PCDH11X: variants seen among roughly 807,000 people sequenced by gnomAD.
PCDH11X encodes protocadherin 11 X-linked.
Under a neutral mutation model 53.3 loss-of-function variants are expected in PCDH11X, and 18 were observed. The observed-to-expected ratio is 0.34, with a 90% CI of 0.23 to 0.50. The LOEUF is 0.50. Among genes scored for constraint, PCDH11X ranks in the 20% least tolerant of loss-of-function variants. The pLI is 0.98. For missense variants in PCDH11X, 570 were observed against 1,032.4 expected (o/e 0.55, Z 6.14); for synonymous variants, 279 against 393.3 (o/e 0.71, Z 3.44).
intron 7 of PCDH11X, among the ~76,000 whole-genome samples, chrX:92,224,085 G>A (rs1482944230): frequency 8.9e-6 from 1 of 111,900 alleles, no homozygotes; most frequent in Admixed American, 9.5e-5. Flanking sequence ...GATACAAGGA[G>A]TAAGAACTGT....
At chrX:92,505,530 G>T (rs1276859564) in intron 10 of PCDH11X, among the ~76,000 whole-genome samples, 1 of 109,177 alleles carries the variant, frequency 9.2e-6, no homozygotes, top group Non-Finnish European at 1.9e-5. Flanking sequence ...TTTATTTCTG[G>T]GCTCTTTATT....
At chrX:92,404,595 C>T (rs1415817829) in intron 9 of PCDH11X, among the ~76,000 whole-genome samples, 1 of 108,560 alleles carries the variant, frequency 9.2e-6, no homozygotes, top group African/African-American at 3.3e-5. Context: ...TAAGAATATC[C>T]TACTGTTTGT....
At chrX:92,021,540 A>G (rs936448890) in intron 6 of PCDH11X, among the ~76,000 whole-genome samples, 11 of 108,567 alleles carry the variant, frequency 1.0e-4, no homozygotes, top group Non-Finnish European at 2.1e-4. Context: ...CAAACCTACG[A>G]TTGATTGGAG....
intron 6 of PCDH11X, among the ~76,000 whole-genome samples, chrX:92,150,749 C>T (rs1047609981): frequency 2.9e-4 from 32 of 110,804 alleles, no homozygotes; most frequent in African/African-American, 1.0e-3. Context: ...ATGTAGAAAT[C>T]TTAAACAACT....
chrX:92,480,993 T>C (rs2073491313), intron 10 of PCDH11X, among the ~76,000 whole-genome samples: 2 of 110,565 alleles, frequency 1.8e-5, no homozygotes, highest in African/African-American at 6.6e-5. Context: ...ACTGTGCATG[T>C]GGTCATACTG....
rs1263146646 is a variant in PCDH11X at position 91,870,803 on chromosome X, AGAGATGGTGTTTTCTTACCCAAAGG to A, written c.541-5953_541-5929del. Among the ~76,000 whole-genome samples the A allele has an allele frequency of 5.5e-5, 6 of 109,308 alleles. No homozygotes were observed. The South Asian group carries it at 1.6e-3, about 29-fold the overall frequency. The allele number at this position is 109,308 out of a possible 115,157, so 94.9% of individuals were successfully genotyped here. ...AGAGATGGTGTTTTCTTACCCAAAG[AGAGATGGTGTTTTCTTACCCAAAGG>A]GAGATGGTGTTTTCTTACCCAAAGA... is the stretch of plus-strand genomic sequence containing the variant. On this transcript the variant is annotated intron_variant, in intron 5 of 10. Transcript: ENST00000682573.
chrX:92,427,265 T>C (rs1425890230), intron 9 of PCDH11X, among the ~76,000 whole-genome samples: 1 of 105,392 alleles, frequency 9.5e-6, no homozygotes, highest in Non-Finnish European at 1.9e-5. Flanking sequence ...CTAAAAGCAT[T>C]AAGTTTCCAA....
intron 6 of PCDH11X, among the ~76,000 whole-genome samples, chrX:91,881,207 TTTTG>T: frequency 9.0e-6 from 1 of 110,639 alleles, no homozygotes; most frequent in East Asian, 2.9e-4. Context: ...ATCCTCACTT[TTTTG>T]TTTTTTTAAA....
intron 6 of PCDH11X, 34 bp downstream of exon 6, chrX:91,879,307 C>T (rs769851859): frequency 5.8e-6 from 7 of 1,209,213 alleles, no homozygotes; most frequent in Admixed American, 2.2e-5. Context: ...AACTTTCTAA[C>T]TATTTTTTTA....
chrX:92,171,236 T>C (rs2065820929), intron 6 of PCDH11X, among the ~76,000 whole-genome samples: 1 of 104,594 alleles, frequency 9.6e-6, no homozygotes, highest in African/African-American at 3.4e-5. Context: ...GAGCTAGTTA[T>C]GAATCAAGTG....
chrX:92,042,446 A>G (rs1363063670), intron 6 of PCDH11X, among the ~76,000 whole-genome samples: 1 of 102,612 alleles, frequency 9.7e-6, no homozygotes, highest in African/African-American at 3.7e-5. Flanking sequence ...AAAATCTAGC[A>G]TTTCTGAGTA....
At chrX:91,963,094 T>C in intron 6 of PCDH11X, among the ~76,000 whole-genome samples, 1 of 112,060 alleles carries the variant, frequency 8.9e-6, no homozygotes, top group East Asian at 2.8e-4. Flanking sequence ...AATTAACATT[T>C]GGCTCCCTTT....
chrX:92,290,085 C>T (rs1045313050), intron 8 of PCDH11X, among the ~76,000 whole-genome samples: 2 of 111,535 alleles, frequency 1.8e-5, no homozygotes, highest in Admixed American at 1.9e-4. Flanking sequence ...TTATCAGCTA[C>T]AGTTTTATGA....
chrX:92,414,714 T>C (rs2071769342), intron 9 of PCDH11X, among the ~76,000 whole-genome samples: 1 of 98,339 alleles, frequency 1.0e-5, no homozygotes, highest in African/African-American at 4.5e-5. Flanking sequence ...GACTGTTTCA[T>C]AGAATCACTA....
intron 6 of PCDH11X, among the ~76,000 whole-genome samples, chrX:92,038,045 T>A (rs1396278874): frequency 1.8e-5 from 2 of 110,229 alleles, no homozygotes; most frequent in Non-Finnish European, 3.8e-5. Context: ...TCATTCAAGA[T>A]GTGACTTGGG....
intron 6 of PCDH11X, among the ~76,000 whole-genome samples, chrX:91,906,900 A>T (rs1377566103): frequency 9.0e-6 from 1 of 111,098 alleles, no homozygotes; most frequent in Non-Finnish European, 1.9e-5. Flanking sequence ...TAAATATCAA[A>T]CACAAAACCA....
At chrX:91,960,826 C>A (rs2061778170) in intron 6 of PCDH11X, among the ~76,000 whole-genome samples, 1 of 111,452 alleles carries the variant, frequency 9.0e-6, no homozygotes, top group Non-Finnish European at 1.9e-5. Flanking sequence ...GTTTCCCCAA[C>A]ACAGTTTGTT....
At chrX:92,561,885 A>T (rs5942304) in intron 10 of PCDH11X, among the ~76,000 whole-genome samples, 1 of 105,565 alleles carries the variant, frequency 9.5e-6, no homozygotes. Context: ...GGTCATTGAT[A>T]AGGAAAGAAT....
At chrX:92,497,755 A>C (rs982812747) in intron 10 of PCDH11X, among the ~76,000 whole-genome samples, 4 of 110,516 alleles carry the variant, frequency 3.6e-5, no homozygotes, top group African/African-American at 1.3e-4. Context: ...TCTATCACTG[A>C]AACTTTTCTT....
Sources: allele counts gnomAD v4.1 joint callset (sites outside exome capture counted in the v4.1 genomes callset), GRCh38; gene constraint gnomAD v4.1.1; transcripts MANE v1.5; gene names NCBI Gene and HGNC (gene_info 2026-07-23, HGNC 2026-07-21).